Variants in RAB10 observed in about 807,000 individuals in gnomAD.
The protein encoded by RAB10 is ras-related protein Rab-10.
Under a neutral mutation model 25.7 loss-of-function variants are expected in RAB10, and 5 were observed. The ratio of observed to expected loss-of-function variants is 0.19; its 90% CI spans 0.10 to 0.41. The LOEUF (loss-of-function observed/expected upper bound fraction) is 0.41. RAB10 is among the 10% of genes least tolerant of loss of function. The pLI, the probability that RAB10 is intolerant of heterozygous loss-of-function variation, is 1.00. For synonymous variants in RAB10, 89 were observed against 86.4 expected (o/e 1.03, Z -0.16); for missense variants, 103 against 245.8 (o/e 0.42, Z 3.89).
chr2:26,101,392 A>G (rs1667335799), intron 2 of RAB10: 1 of 152,336 alleles, frequency 6.6e-6, no homozygotes, highest in South Asian at 2.1e-4. Context: ...ATGGTCAGTG[A>G]ATTCCTGATA....
At chr2:26,042,937 TAAC>T (rs565503158) in intron 1 of RAB10, among the ~76,000 whole-genome samples, 8 of 152,166 alleles carry the variant, frequency 5.3e-5, no homozygotes, top group East Asian at 1.9e-4. Context: ...AGGATAGTTA[TAAC>T]AACAACAACA....
chr2:26,117,546 C>T (rs1667715252), intron 3 of RAB10, among the ~76,000 whole-genome samples: 5 of 146,112 alleles, frequency 3.4e-5, no homozygotes, highest in South Asian at 4.4e-4. Context: ...ACCCAGGAGG[C>T]GGAGCTTGCA....
chr2:26,079,473 G>A (rs947472708), intron 1 of RAB10, among the ~76,000 whole-genome samples: 1 of 152,102 alleles, frequency 6.6e-6, no homozygotes, highest in Non-Finnish European at 1.5e-5. Context: ...TGTGGTATTG[G>A]ATTGGAATTG....
At chr2:26,083,476 T>C (rs1386142546) in intron 1 of RAB10, among the ~76,000 whole-genome samples, 1 of 128,946 alleles carries the variant, frequency 7.8e-6, no homozygotes, top group African/African-American at 2.9e-5. Context: ...TTTCCTTCCC[T>C]GTACTTTCCT....
chr2:26,112,856 G>A (rs1020090336), intron 3 of RAB10, among the ~76,000 whole-genome samples: 5 of 152,136 alleles, frequency 3.3e-5, no homozygotes, highest in African/African-American at 9.7e-5. Context: ...TGAGGCAGGC[G>A]GATCACCTGA....
At chr2:26,106,162 A>C (rs1046125114) in intron 2 of RAB10, among the ~76,000 whole-genome samples, 1 of 152,252 alleles carries the variant, frequency 6.6e-6, no homozygotes, top group Non-Finnish European at 1.5e-5. Context: ...TCAGTTAAGG[A>C]CTGAAAGTGG....
At chr2:26,123,724 T>A (rs1019067480) in intron 3 of RAB10, among the ~76,000 whole-genome samples, 1 of 152,254 alleles carries the variant, frequency 6.6e-6, no homozygotes, top group African/African-American at 2.4e-5. Flanking sequence ...GGGTTCTGAT[T>A]ATTCAAGACT....
In RAB10 at chr2:26,040,108, A is replaced by C. The variant is rs115348947; in HGVS notation, c.127+5373A>C. On this transcript the variant is annotated intron_variant, in intron 1 of 5. Coordinates refer to ENST00000264710, the MANE Select transcript of RAB10 (RefSeq NM_016131.5). Reference sequence around the variant, plus strand: ...AGATGACTAGAAATACTTTGAATGTAGACTACTTTCAGGAATGTGTTAAAT... The same window carrying C: ...AGATGACTAGAAATACTTTGAATGTCGACTACTTTCAGGAATGTGTTAAAT... Among the ~76,000 whole-genome samples, 1,206 of 152,258 alleles carry C rather than the reference A, an allele frequency of 7.9e-3. 23 individuals carry two copies. Among genetic ancestry groups the C allele is most frequent in the African/African-American group, 0.028 (1,152 of 41,544 alleles).
intron 3 of RAB10, among the ~76,000 whole-genome samples, chr2:26,126,367 C>T (rs1025299767): frequency 2.6e-5 from 4 of 152,090 alleles, no homozygotes; most frequent in African/African-American, 7.2e-5. Flanking sequence ...CACTTGAGGC[C>T]AGGAGTTCGC....
intron 1 of RAB10, among the ~76,000 whole-genome samples, chr2:26,051,485 C>A (rs149731270): frequency 6.6e-6 from 1 of 150,878 alleles, no homozygotes; most frequent in Admixed American, 6.6e-5. Context: ...CAGTGGCTCA[C>A]GCCTGTAATC....
intron 1 of RAB10, among the ~76,000 whole-genome samples, chr2:26,038,638 T>C (rs902840048): frequency 1.3e-5 from 2 of 151,900 alleles, no homozygotes; most frequent in African/African-American, 4.8e-5. Flanking sequence ...TAAAATACCA[T>C]TGGGCGGGGC....
intron 2 of RAB10, among the ~76,000 whole-genome samples, chr2:26,106,747 T>TA (rs1361835681): frequency 1.1e-4 from 17 of 150,190 alleles, no homozygotes; most frequent in Middle Eastern, 3.7e-3. Context: ...TTGTCCAGTG[T>TA]GGTGGCACAC....
chr2:26,073,381 C>A (rs994307420), intron 1 of RAB10, among the ~76,000 whole-genome samples: 1 of 152,180 alleles, frequency 6.6e-6, no homozygotes, highest in Non-Finnish European at 1.5e-5. Flanking sequence ...AAGAACTGTT[C>A]TCGTTGTTAC....
At chr2:26,044,742 C>T (rs781532924) in intron 1 of RAB10, among the ~76,000 whole-genome samples, 2 of 151,958 alleles carry the variant, frequency 1.3e-5, no homozygotes, top group South Asian at 2.1e-4. Context: ...GACAGGGTTT[C>T]GCCCTGTTGA....
intron 1 of RAB10, among the ~76,000 whole-genome samples, chr2:26,095,760 G>T (rs1001129865): frequency 2.0e-5 from 3 of 151,914 alleles, no homozygotes; most frequent in Non-Finnish European, 4.4e-5. Flanking sequence ...AATAATACAA[G>T]AATTAGCTGG....
In RAB10 at chr2:26,059,045, T is replaced by C. The variant is rs1666329751; in HGVS notation, c.127+24310T>C. Among the ~76,000 whole-genome samples, 8 of 152,340 alleles carry C rather than the reference T, an allele frequency of 5.3e-5. No individual in the cohort carries two copies. In the South Asian group the frequency reaches 1.7e-3, roughly 32 times the overall value. On this transcript the variant is annotated intron_variant, in intron 1 of 5. Coordinates refer to ENST00000264710, the MANE Select transcript of RAB10 (RefSeq NM_016131.5). ...TTTGAAAGACAAAAATGATTTAATA[T>C]CTGTTTCTAGTGATCTCTAAATCAT...
chr2:26,048,316 A>G (rs749233641), intron 1 of RAB10, among the ~76,000 whole-genome samples: 2 of 151,664 alleles, frequency 1.3e-5, no homozygotes, highest in Non-Finnish European at 2.9e-5. Context: ...ACCATTTTAC[A>G]CCCCCATCCT....
At chr2:26,074,917 G>A (rs935854873) in intron 1 of RAB10, among the ~76,000 whole-genome samples, 1 of 152,170 alleles carries the variant, frequency 6.6e-6, no homozygotes, top group Non-Finnish European at 1.5e-5. Flanking sequence ...TGCTTGGAAC[G>A]GGTCTGGCAT....
At chr2:26,066,557 A>G (rs926335578) in intron 1 of RAB10, among the ~76,000 whole-genome samples, 8 of 152,160 alleles carry the variant, frequency 5.3e-5, no homozygotes, top group Non-Finnish European at 1.0e-4. Context: ...ACTTACAGTC[A>G]TGGTGGAAGG....
Sources: allele counts gnomAD v4.1 joint callset (sites outside exome capture counted in the v4.1 genomes callset), GRCh38; gene constraint gnomAD v4.1.1; transcripts MANE v1.5; gene names NCBI Gene and HGNC (gene_info 2026-07-23, HGNC 2026-07-21).